Variants in CLDN1 observed in about 807,000 individuals in gnomAD.
The protein encoded by CLDN1 is claudin 1.
A neutral mutation model predicts 22.6 loss-of-function variants in CLDN1; 12 were observed. The observed-to-expected ratio is 0.53, with a 90% CI of 0.34 to 0.86. CLDN1 has a LOEUF of 0.86. Ranked by LOEUF, CLDN1 falls within the 40% of genes least tolerant of loss-of-function variation. The pLI is 0.02. For missense variants in CLDN1, 250 were observed against 269.5 expected, an observed-to-expected ratio of 0.93 and a Z score of 0.51; for synonymous variants, 99 against 103.8, an observed-to-expected ratio of 0.95 and a Z score of 0.28.
chr3:190,316,641 T>A (rs897712833), intron 1 of CLDN1, among the ~76,000 whole-genome samples: 8 of 152,216 alleles, frequency 5.3e-5, no homozygotes, highest in South Asian at 2.1e-4. Context: ...AAGTATGTAA[T>A]CATGAACTCC....
rs1716948818 is a variant in CLDN1, at chr3:190,322,271, G to A, written c.-65C>T. 1 of 1,442,106 alleles carries A rather than the reference G, an allele frequency of 6.9e-7. No individual in the cohort carries two copies. The highest frequency in any genetic ancestry group is 9.7e-7 in the Non-Finnish European group (1 of 1,035,572). 89.3% of individuals were successfully genotyped at this position (1,442,106 alleles called of 1,614,324 possible). ...TGCAGAAGGCGGAGAGTTTGCAGGT[G>A]GGCAACCCGGACTCCCGAAGGTGGC... On this transcript the variant is annotated 5_prime_UTR_variant, in exon 1 of 4. Coordinates refer to ENST00000295522, the MANE Select transcript of CLDN1 (RefSeq NM_021101.5).
At position 190,307,634 on chromosome 3, in the gene CLDN1, A is replaced by C. The variant is rs1265092365; in HGVS notation, c.*643T>G. The C allele has an allele frequency of 1.3e-5, 2 of 152,228 alleles. No homozygotes were observed. Among genetic ancestry groups the C allele is most frequent in the Non-Finnish European group, 2.9e-5 (2 of 68,060 alleles). The allele number at this position is 152,228 out of a possible 1,614,324, so 9.4% of individuals were successfully genotyped here. ...TTCAGGAGATAGAGACCAATGAAAC[A>C]CAAAACAAATAAGGGCTTAATAACG... On this transcript the variant is annotated 3_prime_UTR_variant, in exon 4 of 4. Coordinates refer to ENST00000295522, the MANE Select transcript of CLDN1 (RefSeq NM_021101.5).
Position 190,322,119 on chromosome 3 carries a change from A to G in CLDN1, c.88T>C (p.Trp30Arg), listed in dbSNP as rs1173280012. The change falls in exon 1 of 4, where the codon TGG (tryptophan) becomes CGG (arginine). Residue 30 changes from tryptophan (W) to arginine (R), a missense_variant. Coordinates refer to ENST00000295522, the MANE Select transcript of CLDN1 (RefSeq NM_021101.5). Reference protein sequence around the residue: ...GAIVSTALPQWRIYSYAGDNI... With the variant: ...GAIVSTALPQRRIYSYAGDNI... ...TCGCCGGCATAGGAGTAAATCCTCC[A>G]CTGGGGCAGGGCAGTGCTGACGATG... 6.2e-7 allele frequency: 1 copy of G among 1,614,094 alleles called. No individual in the cohort carries two copies. Among genetic ancestry groups the G allele is most frequent in the African/African-American group, 1.3e-5 (1 of 74,952 alleles).
chr3:190,319,487 A>G (rs546623325), intron 1 of CLDN1, among the ~76,000 whole-genome samples: 2 of 152,302 alleles, frequency 1.3e-5, no homozygotes, highest in African/African-American at 2.4e-5. Context: ...TATTTACTGT[A>G]TACACTATTA....
rs1047780804 is a variant in CLDN1, at chr3:190,307,402, C to T, written c.*875G>A. ...AATCAATAAAGTTGTGTTACAACACCTGGGGGAACAGCATGCAGCTACTCA... is the reference window on the plus strand; with the variant it reads ...AATCAATAAAGTTGTGTTACAACACTTGGGGGAACAGCATGCAGCTACTCA... On this transcript the variant is annotated 3_prime_UTR_variant, in exon 4 of 4. Coordinates refer to ENST00000295522, the MANE Select transcript of CLDN1 (RefSeq NM_021101.5). 6.6e-6 allele frequency: 1 copy of T among 152,052 alleles called. No individual in the cohort carries two copies. The highest frequency in any genetic ancestry group is 1.5e-5 in the Non-Finnish European group (1 of 67,992). The allele number at this position is 152,052 out of a possible 1,614,324, so 9.4% of individuals were successfully genotyped here. A position where few individuals can be genotyped will look rare whatever the true frequency, so the allele number is the denominator to read the frequency against.
chr3:190,312,063 T>C (rs1716635720), intron 2 of CLDN1, among the ~76,000 whole-genome samples: 1 of 151,850 alleles, frequency 6.6e-6, no homozygotes. Flanking sequence ...CTGGAGTATA[T>C]GGGATTACAG....
In CLDN1 at chr3:190,322,049, G is replaced by A; in HGVS notation, c.158C>T (p.Ser53Phe). 1 of 1,614,228 alleles carries A rather than the reference G, an allele frequency of 6.2e-7. No homozygotes were observed. The highest frequency in any genetic ancestry group is 8.5e-7 in the Non-Finnish European group (1 of 1,180,046). ...CTGCCCGGTGCTCTGCGACACGCAG[G>A]ACATCCACAGCCCCTCGTACATGGC... is the stretch of plus-strand genomic sequence containing the variant. ...AQAMYEGLWM[S>F]CVSQSTGQIQ... The change falls in exon 1 of 4, where the codon TCC becomes TTC. Residue 53 changes from serine to phenylalanine, a missense_variant. Ser to Phe is a radical substitution (Grantham distance 155). Transcript: ENST00000295522.
At chr3:190,316,304 G>T (rs1407574631) in intron 1 of CLDN1, among the ~76,000 whole-genome samples, 1 of 152,072 alleles carries the variant, frequency 6.6e-6, no homozygotes, top group Non-Finnish European at 1.5e-5. Flanking sequence ...CAATTTATTT[G>T]TATGTTCCAA....
chr3:190,322,381 G>C lies in CLDN1; in HGVS notation c.-175C>G. On this transcript the variant is annotated 5_prime_UTR_variant, in exon 1 of 4. Transcript: ENST00000295522. ...GCTCTGGGTCGGGGTTGGGGTCCGC[G>C]CCCGGGGCGGCGCTGGAGTCTGGAT... 1.5e-6 allele frequency: 1 copy of C among 648,840 alleles called. No homozygotes were observed. The highest frequency in any genetic ancestry group is 2.4e-5 in the Admixed American group (1 of 42,062). 40.2% of individuals were successfully genotyped at this position (648,840 alleles called of 1,614,324 possible).
In CLDN1 at chr3:190,322,002, A is replaced by G. The variant is rs765432112; in HGVS notation, c.205T>C (p.Ser69Pro). 12 of 1,614,162 alleles carry G rather than the reference A, an allele frequency of 7.4e-6. No individual in the cohort carries two copies. The East Asian group carries it at 2.7e-4, about 36-fold the overall frequency. ...CACTCACTGCTCAGATTCAGCAAGG[A>G]GTCAAAGACTTTGCACTGGATCTGC... ...TGQIQCKVFD[S>P]LLNLSSTLQA... Residue 69 changes from serine to proline, a missense_variant, in exon 1 of 4, where the codon TCC becomes CCC. Transcript: ENST00000295522.
In CLDN1 at chr3:190,307,987, T is replaced by C; in HGVS notation, c.*290A>G. On this transcript the variant is annotated 3_prime_UTR_variant, in exon 4 of 4. Transcript: ENST00000295522. ...AAAAACATGTATATATACATATCTA[T>C]ATATATTTAAGGAGCACCCCTTCCC... 1 of 338,918 alleles carries C rather than the reference T, an allele frequency of 3.0e-6. No individual in the cohort carries two copies. Among genetic ancestry groups the C allele is most frequent in the South Asian group, 2.9e-5 (1 of 34,238 alleles). The allele number at this position is 338,918 out of a possible 1,614,324, so 21.0% of individuals were successfully genotyped here. A position where few individuals can be genotyped will look rare whatever the true frequency, so the allele number is the denominator to read the frequency against.
chr3:190,320,394 ATATT>A (rs1221970007), intron 1 of CLDN1, among the ~76,000 whole-genome samples: 1 of 152,204 alleles, frequency 6.6e-6, no homozygotes, highest in Non-Finnish European at 1.5e-5. Context: ...TTCCTTAAAT[ATATT>A]TATCTTTCCA....
At chr3:190,314,978 A>T (rs1054728979) in intron 1 of CLDN1, among the ~76,000 whole-genome samples, 2 of 152,114 alleles carry the variant, frequency 1.3e-5, no homozygotes, top group Non-Finnish European at 2.9e-5. Context: ...GCTGCTTGTA[A>T]GGTTATTACA....
At chr3:190,314,562 ATTT>A (rs11360108) in intron 1 of CLDN1, among the ~76,000 whole-genome samples, 4 of 143,762 alleles carry the variant, frequency 2.8e-5, no homozygotes, top group East Asian at 2.0e-4. Flanking sequence ...GCCTGGCTAA[ATTT>A]TTTTTTTTTT....
At chr3:190,316,451 A>G (rs924852769) in intron 1 of CLDN1, among the ~76,000 whole-genome samples, 1 of 152,242 alleles carries the variant, frequency 6.6e-6, no homozygotes, top group Non-Finnish European at 1.5e-5. Flanking sequence ...CTGAGAATTA[A>G]AACAGCACGA....
chr3:190,317,232 A>T (rs1049003740), intron 1 of CLDN1, among the ~76,000 whole-genome samples: 15 of 152,184 alleles, frequency 9.9e-5, no homozygotes, highest in African/African-American at 2.9e-4. Context: ...ATGACCACTG[A>T]CTAAAGTTGT....
rs1716485766 is a variant in CLDN1 at position 190,307,439 on chromosome 3, A to ATTT, written c.*835_*837dup. The ATTT allele has an allele frequency of 6.6e-6, 1 of 152,200 alleles. No homozygotes were observed. The highest frequency in any genetic ancestry group is 2.1e-4 in the South Asian group (1 of 4,832). 9.4% of individuals were successfully genotyped at this position (152,200 alleles called of 1,614,324 possible). On this transcript the variant is annotated 3_prime_UTR_variant, in exon 4 of 4. Coordinates refer to ENST00000295522, the MANE Select transcript of CLDN1 (RefSeq NM_021101.5). ...CATGCAGCTACTCAATTGGACAAAT[A>ATTT]TTTTCAAAGCAAACAAGAGTGCTAT...
In CLDN1 at chr3:190,306,020, T is replaced by A. The variant is rs1265149849; in HGVS notation, c.*2257A>T. 2 of 152,218 alleles carry A rather than the reference T, an allele frequency of 1.3e-5. No individual in the cohort carries two copies. Among genetic ancestry groups the A allele is most frequent in the African/African-American group, 2.4e-5 (1 of 41,466 alleles). The allele number at this position is 152,218 out of a possible 1,614,324, so 9.4% of individuals were successfully genotyped here. On this transcript the variant is annotated 3_prime_UTR_variant, in exon 4 of 4. Transcript: ENST00000295522. Reference sequence around the variant, plus strand: ...TCAGGTTTGGAAGGCACACTAAAATTTATTAGGTCCAATTCCTCATAAGAC... The same window carrying A: ...TCAGGTTTGGAAGGCACACTAAAATATATTAGGTCCAATTCCTCATAAGAC...
intron 2 of CLDN1, among the ~76,000 whole-genome samples, chr3:190,311,609 A>G (rs952844215): frequency 6.6e-6 from 1 of 151,040 alleles, no homozygotes; most frequent in East Asian, 1.9e-4. Flanking sequence ...TTATTTTTTT[A>G]AAATAATATA....
Sources: gnomAD v4.1 joint callset for allele counts (sites outside exome capture counted in the v4.1 genomes callset) on GRCh38, gnomAD v4.1.1 for gene constraint, MANE v1.5 for transcripts, NCBI Gene and HGNC (gene_info 2026-07-23, HGNC 2026-07-21) for gene names.